NPFFR2: variants seen among roughly 807,000 people sequenced by gnomAD.
NPFFR2 encodes neuropeptide FF receptor 2.
NPFFR2 carries 15 observed loss-of-function variants against 13.1 expected under a neutral mutation model. That is an observed-to-expected ratio of 1.15 (90% CI 0.77 to 1.76). The LOEUF (loss-of-function observed/expected upper bound fraction) is 1.76, where lower values mean the gene tolerates loss of function less well. Among genes scored for constraint, NPFFR2 ranks in the 40% most tolerant of loss-of-function variants. The pLI is 0.00. For synonymous variants in NPFFR2, 190 were observed against 175.7 expected (o/e 1.08, Z -0.65); for missense variants, 572 against 503.5 (o/e 1.14, Z -1.30).
chr4:72,143,096 C>T (rs1722681327), intron 3 of NPFFR2, among the ~76,000 whole-genome samples: 1 of 152,134 alleles, frequency 6.6e-6, no homozygotes, highest in Admixed American at 6.5e-5. Context: ...GGGAAAAGGG[C>T]ATCCCTTAAG....
intron 2 of NPFFR2, among the ~76,000 whole-genome samples, chr4:72,131,066 T>C (rs1383393475): frequency 6.6e-6 from 1 of 152,006 alleles, no homozygotes; most frequent in East Asian, 1.9e-4. Context: ...TTCTCGATGT[T>C]CAGATGCTTC....
chr4:72,120,865 G>T (rs1340724478), intron 1 of NPFFR2, among the ~76,000 whole-genome samples: 1 of 152,056 alleles, frequency 6.6e-6, no homozygotes, highest in African/African-American at 2.4e-5. Flanking sequence ...ACAACTCCTT[G>T]CCAGCAAAGG....
At chr4:72,085,306 T>G (rs1451111207) in intron 1 of NPFFR2, among the ~76,000 whole-genome samples, 2 of 152,170 alleles carry the variant, frequency 1.3e-5, no homozygotes, top group Non-Finnish European at 2.9e-5. Context: ...CAAAATCCTG[T>G]GAAATCTGAG....
At chr4:72,138,356 C>A (rs920740703) in intron 3 of NPFFR2, among the ~76,000 whole-genome samples, 1 of 152,122 alleles carries the variant, frequency 6.6e-6, no homozygotes, top group African/African-American at 2.4e-5. Context: ...TGGTGTGCTG[C>A]ACCCATCAAC....
chr4:72,056,845 C>G (rs1247455273), intron 1 of NPFFR2, among the ~76,000 whole-genome samples: 1 of 151,832 alleles, frequency 6.6e-6, no homozygotes, highest in Non-Finnish European at 1.5e-5. Flanking sequence ...AGAAGTGGAA[C>G]CTGAAGATGT....
chr4:72,096,048 G>A (rs1409381493), intron 1 of NPFFR2, among the ~76,000 whole-genome samples: 3 of 152,106 alleles, frequency 2.0e-5, no homozygotes, highest in Non-Finnish European at 4.4e-5. Context: ...TATCCCATGT[G>A]GATAGAAGTT....
chr4:72,080,175 C>CT (rs1229927325), intron 1 of NPFFR2, among the ~76,000 whole-genome samples: 2 of 143,830 alleles, frequency 1.4e-5, no homozygotes, highest in Admixed American at 7.0e-5. Context: ...TTTTGTTTTT[C>CT]TTTTTTTGAG....
intron 2 of NPFFR2, among the ~76,000 whole-genome samples, chr4:72,129,228 G>A (rs1722161994): frequency 6.6e-6 from 1 of 152,048 alleles, no homozygotes; most frequent in Non-Finnish European, 1.5e-5. Flanking sequence ...ATTATGTGTA[G>A]GGGTGGGTTG....
At chr4:72,090,262 C>T (rs1720882016) in intron 1 of NPFFR2, among the ~76,000 whole-genome samples, 1 of 152,062 alleles carries the variant, frequency 6.6e-6, no homozygotes, top group African/African-American at 2.4e-5. Context: ...AATGTGATGC[C>T]TCCAGATTTA....
At chr4:72,139,493 C>T (rs910388012) in intron 3 of NPFFR2, among the ~76,000 whole-genome samples, 2 of 152,142 alleles carry the variant, frequency 1.3e-5, no homozygotes, top group Non-Finnish European at 2.9e-5. Flanking sequence ...ACAGTTTTCC[C>T]AGCACCGTTT....
chr4:72,064,701 A>G (rs1720016268), intron 1 of NPFFR2, among the ~76,000 whole-genome samples: 2 of 152,296 alleles, frequency 1.3e-5, no homozygotes, highest in East Asian at 3.9e-4. Flanking sequence ...AGTACTAGGA[A>G]AAGAGGTCGG....
chr4:72,076,854 A>G (rs1720454850), intron 1 of NPFFR2, among the ~76,000 whole-genome samples: 1 of 152,194 alleles, frequency 6.6e-6, no homozygotes. Flanking sequence ...CTGTAATGTG[A>G]TCATGAAAAG....
At chr4:72,085,089 A>G (rs7694075) in intron 1 of NPFFR2, among the ~76,000 whole-genome samples, 151,121 of 152,226 alleles carry the variant, frequency 0.99, 75,020 homozygotes, top group Middle Eastern at 1. Context: ...TCATAAAATA[A>G]TGGTAAATCT....
intron 3 of NPFFR2, among the ~76,000 whole-genome samples, chr4:72,144,049 A>G (rs1327410552): frequency 6.6e-6 from 1 of 152,212 alleles, no homozygotes; most frequent in African/African-American, 2.4e-5. Context: ...AGCAATATTT[A>G]TTATGTCATG....
chr4:72,057,463 T>TA (rs762436024), intron 1 of NPFFR2, among the ~76,000 whole-genome samples: 5 of 152,010 alleles, frequency 3.3e-5, no homozygotes, highest in Non-Finnish European at 7.4e-5. Context: ...CACCTTCGCT[T>TA]AAGGCAGCAT....
rs1016489283 is a variant in NPFFR2 at position 72,140,206 on chromosome 4, G to A, written c.428+2067G>A. ...TATACAATGACGTCATCTGCAAAGA[G>A]GAACAATTTGACTTCCTCCTTTCCT... On this transcript the variant is annotated intron_variant, in intron 3 of 3. Transcript: ENST00000308744. Among the ~76,000 whole-genome samples, 3 of 152,284 alleles carry A rather than the reference G, an allele frequency of 2.0e-5. No homozygotes were observed. The South Asian group carries it at 6.2e-4, about 32-fold the overall frequency.
intron 1 of NPFFR2, among the ~76,000 whole-genome samples, chr4:72,122,199 GCTAA>G (rs1314666374): frequency 3.3e-5 from 5 of 152,064 alleles, no homozygotes; most frequent in African/African-American, 7.2e-5. Flanking sequence ...AACCAGAAGA[GCTAA>G]CTAACTTAAA....
chr4:72,136,491 A>C (rs1158104564), intron 2 of NPFFR2, among the ~76,000 whole-genome samples: 2 of 152,214 alleles, frequency 1.3e-5, no homozygotes. Context: ...GAAGTTCTGC[A>C]TGCCTGGAGG....
chr4:72,093,359 T>A (rs28885071), intron 1 of NPFFR2, among the ~76,000 whole-genome samples: 2,413 of 152,304 alleles, frequency 0.016, 38 homozygotes, highest in African/African-American at 0.044. Flanking sequence ...GAGCTTCTTG[T>A]ATTTGGATGT....
Sources: gnomAD v4.1 joint callset for allele counts (sites outside exome capture counted in the v4.1 genomes callset) on GRCh38, gnomAD v4.1.1 for gene constraint, MANE v1.5 for transcripts, NCBI Gene and HGNC (gene_info 2026-07-23, HGNC 2026-07-21) for gene names.